The following TMEM132C variants were observed in gnomAD, a reference collection of about 807,000 sequenced individuals.
TMEM132C encodes the protein protein phosphatase 1, regulatory subunit 152.
Under a neutral mutation model 61.4 loss-of-function variants are expected in TMEM132C, and 29 were observed. The ratio of observed to expected loss-of-function variants is 0.47; its 90% CI spans 0.35 to 0.64. The LOEUF (loss-of-function observed/expected upper bound fraction) is 0.64, where lower values mean the gene tolerates loss of function less well. Ranked by LOEUF, TMEM132C falls within the 30% of genes least tolerant of loss-of-function variation. The pLI, the probability that TMEM132C is intolerant of heterozygous loss-of-function variation, is 0.00. For missense variants in TMEM132C, 1,408 were observed against 1,476.9 expected, an observed-to-expected ratio of 0.95 and a Z score of 0.76; for synonymous variants, 656 against 633.1, an observed-to-expected ratio of 1.04 and a Z score of -0.54.
intron 6 of TMEM132C, 148 bp downstream of exon 6, chr12:128,694,182 A>C: frequency 4.1e-6 from 4 of 972,764 alleles, no homozygotes; most frequent in Non-Finnish European, 6.0e-6. Flanking sequence ...AGCCAGGCCC[A>C]AAAGCTGCTA....
chr12:128,486,219 T>C (rs1871487726), intron 2 of TMEM132C, among the ~76,000 whole-genome samples: 1 of 152,160 alleles, frequency 6.6e-6, no homozygotes, highest in Non-Finnish European at 1.5e-5. Flanking sequence ...TACATCGAAG[T>C]ATTACTGTTT....
chr12:128,442,285 A>G (rs571610431), intron 2 of TMEM132C, among the ~76,000 whole-genome samples: 73 of 152,324 alleles, frequency 4.8e-4, no homozygotes, highest in African/African-American at 1.6e-3. Context: ...CAAAAATGTT[A>G]AACTAGAGTT....
At chr12:128,530,747 A>G (rs181360746) in intron 2 of TMEM132C, among the ~76,000 whole-genome samples, 1 of 152,242 alleles carries the variant, frequency 6.6e-6, no homozygotes, top group African/African-American at 2.4e-5. Context: ...CCGGCCTCCA[A>G]TAACACTTCT....
At chr12:128,285,593 C>T (rs1277986591) in intron 1 of TMEM132C, among the ~76,000 whole-genome samples, 1 of 152,032 alleles carries the variant, frequency 6.6e-6, no homozygotes, top group Non-Finnish European at 1.5e-5. Flanking sequence ...CAGCCGGACC[C>T]AGGGGTTCAC....
chr12:128,610,786 C>G (rs1876606403), intron 3 of TMEM132C, among the ~76,000 whole-genome samples: 1 of 152,164 alleles, frequency 6.6e-6, no homozygotes, highest in Non-Finnish European at 1.5e-5. Flanking sequence ...TCTGCCAGTA[C>G]AACGTGCATT....
intron 2 of TMEM132C, among the ~76,000 whole-genome samples, chr12:128,454,478 A>G (rs535505674): frequency 1.9e-4 from 29 of 152,320 alleles, no homozygotes; most frequent in African/African-American, 7.0e-4. Context: ...GTTGTTTACA[A>G]ATTACTCAGA....
At chr12:128,588,660 A>G (rs1875638591) in intron 3 of TMEM132C, among the ~76,000 whole-genome samples, 1 of 152,152 alleles carries the variant, frequency 6.6e-6, no homozygotes, top group African/African-American at 2.4e-5. Context: ...AGTGGGGACT[A>G]TGAAGCCTTC....
chr12:128,598,844 G>C (rs907353273), intron 3 of TMEM132C, among the ~76,000 whole-genome samples: 1 of 150,706 alleles, frequency 6.6e-6, no homozygotes, highest in Non-Finnish European at 1.5e-5. Flanking sequence ...TGGGGCTGGG[G>C]TGGGGCTGGG....
At chr12:128,418,872 GA>G (rs2136025081) in intron 2 of TMEM132C, among the ~76,000 whole-genome samples, 1 of 152,308 alleles carries the variant, frequency 6.6e-6, no homozygotes, top group African/African-American at 2.4e-5. Context: ...AGGAAAAGAT[GA>G]GCTCGGTCTG....
intron 1 of TMEM132C, among the ~76,000 whole-genome samples, chr12:128,413,298 C>CAGA (rs368878546): frequency 1.7e-5 from 1 of 60,574 alleles, no homozygotes; most frequent in Non-Finnish European, 2.7e-5. Context: ...GACTCTGTCT[C>CAGA]AAAAAAAAAA....
chr12:128,416,154 C>A (rs1448459845), intron 2 of TMEM132C, among the ~76,000 whole-genome samples: 1 of 152,130 alleles, frequency 6.6e-6, no homozygotes, highest in Non-Finnish European at 1.5e-5. Context: ...ATTAAGCAAA[C>A]ATGCCGGGCA....
intron 1 of TMEM132C, among the ~76,000 whole-genome samples, chr12:128,302,315 A>G (rs984037180): frequency 2.6e-5 from 4 of 152,178 alleles, no homozygotes; most frequent in Non-Finnish European, 4.4e-5. Context: ...TCTTATTATT[A>G]TCTGTCTCAC....
In TMEM132C at chr12:128,415,546, A is replaced by G; in HGVS notation, c.900A>G (p.Pro300=). 6.4e-7 allele frequency: 1 copy of G among 1,551,340 alleles called. No homozygotes were observed. The highest frequency in any genetic ancestry group is 8.7e-7 in the Non-Finnish European group (1 of 1,146,956). ...TGGTCATCTGGCTGCCTTCCAGGCC[A>G]GTCAAGCAGGGAGAGGTGGTCACGG... ...GNVVIWLPSR[P]VKQGEVVTAY... The change falls in exon 2 of 9, where the codon CCA becomes CCG. Residue 300 remains proline (P), a synonymous_variant. Transcript: ENST00000435159. This position sits in a 1 kb window ranked among gnomAD's most constrained non-coding sequence, Gnocchi z 5.8.
chr12:128,272,471 A>C (rs574386604), intron 1 of TMEM132C, among the ~76,000 whole-genome samples: 2 of 152,346 alleles, frequency 1.3e-5, no homozygotes, highest in Admixed American at 6.5e-5. Context: ...GTTGCTATAA[A>C]TATTCACCAA....
At chr12:128,361,161 G>A (rs1184173134) in intron 1 of TMEM132C, among the ~76,000 whole-genome samples, 7 of 152,192 alleles carry the variant, frequency 4.6e-5, no homozygotes, top group Non-Finnish European at 1.5e-5. Flanking sequence ...CACCTACTCT[G>A]TGTGCCTGAG....
intron 2 of TMEM132C, among the ~76,000 whole-genome samples, chr12:128,499,341 T>C (rs1283771990): frequency 6.6e-6 from 1 of 152,224 alleles, no homozygotes; most frequent in Non-Finnish European, 1.5e-5. Context: ...GCATACAGTG[T>C]GTAATGATCA....
At chr12:128,541,385 G>A (rs1049493625) in intron 2 of TMEM132C, among the ~76,000 whole-genome samples, 2 of 152,150 alleles carry the variant, frequency 1.3e-5, no homozygotes, top group African/African-American at 2.4e-5. Context: ...TATTTGGTCA[G>A]TGGTGATGAG....
intron 2 of TMEM132C, among the ~76,000 whole-genome samples, chr12:128,519,796 TAGTG>T (rs949709593): frequency 2.6e-5 from 4 of 152,320 alleles, no homozygotes; most frequent in African/African-American, 9.6e-5. Context: ...GGTTGGCAGT[TAGTG>T]AGACCCCTCG....
intron 3 of TMEM132C, among the ~76,000 whole-genome samples, chr12:128,601,527 T>C (rs997092269): frequency 2.0e-5 from 3 of 152,184 alleles, no homozygotes; most frequent in Non-Finnish European, 4.4e-5. Context: ...CGAGGCTGTA[T>C]ACATAAAGTG....
Sources: allele counts gnomAD v4.1 joint callset (sites outside exome capture counted in the v4.1 genomes callset), GRCh38; gene constraint gnomAD v4.1.1; non-coding constraint Gnocchi (gnomAD v3.1); transcripts MANE v1.5; gene names NCBI Gene and HGNC (gene_info 2026-07-23, HGNC 2026-07-21).